The following PACRG variants were observed in gnomAD, a reference collection of about 807,000 sequenced individuals.
The protein encoded by PACRG is parkin coregulated gene protein.
Under a neutral mutation model 29.7 loss-of-function variants are expected in PACRG, and 29 were observed. The observed-to-expected ratio is 0.98, with a 90% confidence interval of 0.73 to 1.33. The LOEUF (loss-of-function observed/expected upper bound fraction) is 1.33. Among genes scored for constraint, PACRG ranks in the 40% most tolerant of loss-of-function variants. The pLI, the probability that PACRG is intolerant of heterozygous loss-of-function variation, is 0.00. For synonymous variants in PACRG, 116 were observed against 118.7 expected, an observed-to-expected ratio of 0.98 and a Z score of 0.15; for missense variants, 279 against 316.2, an observed-to-expected ratio of 0.88 and a Z score of 0.89.
chr6:162,744,057 G>T (rs1780801057), intron 1 of PACRG, among the ~76,000 whole-genome samples: 1 of 151,962 alleles, frequency 6.6e-6, no homozygotes, highest in Non-Finnish European at 1.5e-5. Context: ...TTTTCCTATT[G>T]GTTGGGGCTT....
At chr6:163,222,923 G>A (rs953372763) in intron 4 of PACRG, among the ~76,000 whole-genome samples, 3 of 152,276 alleles carry the variant, frequency 2.0e-5, no homozygotes, top group East Asian at 1.9e-4. Flanking sequence ...TCAGAATGCC[G>A]TAGAGAAAGT....
At chr6:163,101,070 G>A (rs889133587) in intron 4 of PACRG, 123 of 981,550 alleles carry the variant, frequency 1.3e-4, no homozygotes, top group African/African-American at 1.2e-3. Flanking sequence ...ATTTTGAGGC[G>A]GTCATACAAT....
chr6:162,883,509 T>A (rs1183879908), intron 2 of PACRG, among the ~76,000 whole-genome samples: 1 of 152,238 alleles, frequency 6.6e-6, no homozygotes. Context: ...GTGTTCACAA[T>A]GTTAACAAGT....
chr6:163,268,553 C>T (rs1027568050), intron 4 of PACRG, among the ~76,000 whole-genome samples: 2 of 152,056 alleles, frequency 1.3e-5, no homozygotes, highest in African/African-American at 4.8e-5. Context: ...TAGCTTTTTT[C>T]TTTCATAAGA....
intron 2 of PACRG, among the ~76,000 whole-genome samples, chr6:162,877,612 A>G (rs1360018173): frequency 6.6e-6 from 1 of 152,078 alleles, no homozygotes; most frequent in African/African-American, 2.4e-5. Context: ...AAAAAGGAAA[A>G]TATTTTCCAA....
At chr6:163,221,960 T>A (rs1781597598) in intron 4 of PACRG, among the ~76,000 whole-genome samples, 1 of 152,162 alleles carries the variant, frequency 6.6e-6, no homozygotes, top group East Asian at 1.9e-4. Context: ...CTAGAAGGTA[T>A]GAGAATACAG....
intron 2 of PACRG, among the ~76,000 whole-genome samples, chr6:162,956,439 C>T (rs2128137450): frequency 6.6e-6 from 1 of 152,260 alleles, no homozygotes; most frequent in Non-Finnish European, 1.5e-5. Flanking sequence ...TTGGTCAGGT[C>T]AATGTTATGT....
upstream of PACRG, chr6:162,727,906 C>G: frequency 1.7e-6 from 1 of 593,492 alleles, no homozygotes; most frequent in South Asian, 2.0e-5. Flanking sequence ...GCCGCCCTTT[C>G]CGGCTTCAGG....
intron 2 of PACRG, among the ~76,000 whole-genome samples, chr6:162,828,529 A>G (rs1788473652): frequency 6.6e-6 from 1 of 152,202 alleles, no homozygotes; most frequent in Admixed American, 6.5e-5. Context: ...CGAAATTCTC[A>G]GGGCTCATGG....
chr6:163,304,039 G>A (rs1265743830), intron 4 of PACRG, among the ~76,000 whole-genome samples: 384 of 104,560 alleles, frequency 3.7e-3, no homozygotes, highest in African/African-American at 4.8e-3. Context: ...AAAAAAAAAA[G>A]TAAATGGGAT....
At chr6:163,148,109 C>G (rs1335394737) in intron 4 of PACRG, among the ~76,000 whole-genome samples, 1 of 152,172 alleles carries the variant, frequency 6.6e-6, no homozygotes, top group Admixed American at 6.5e-5. Context: ...GAAATTTGCA[C>G]TAAGTCACAG....
intron 2 of PACRG, among the ~76,000 whole-genome samples, chr6:162,922,751 T>G (rs1797157394): frequency 1.3e-5 from 2 of 152,210 alleles, no homozygotes; most frequent in African/African-American, 4.8e-5. Context: ...AGGATTTTAT[T>G]CTTTTTTTAT....
At chr6:162,824,405 G>A (rs1426562405) in intron 2 of PACRG, among the ~76,000 whole-genome samples, 1 of 152,162 alleles carries the variant, frequency 6.6e-6, no homozygotes, top group Non-Finnish European at 1.5e-5. Context: ...CAAAACATAA[G>A]TTGACTATGA....
At chr6:162,925,038 C>G (rs1212084497) in intron 2 of PACRG, among the ~76,000 whole-genome samples, 2 of 152,164 alleles carry the variant, frequency 1.3e-5, no homozygotes, top group African/African-American at 4.8e-5. Flanking sequence ...ATAAACATCT[C>G]TATGCAAATA....
chr6:163,027,539 T>C (rs2128225518), intron 2 of PACRG, among the ~76,000 whole-genome samples: 1 of 152,270 alleles, frequency 6.6e-6, no homozygotes, highest in Non-Finnish European at 1.5e-5. Context: ...ACTTTTAGCC[T>C]CACATGAATA....
At chr6:163,199,601 T>G (rs1308193668) in intron 4 of PACRG, among the ~76,000 whole-genome samples, 3 of 152,212 alleles carry the variant, frequency 2.0e-5, no homozygotes, top group Non-Finnish European at 4.4e-5. Flanking sequence ...GGCCTCACCC[T>G]TAACTGCCAA....
chr6:162,892,676 C>G (rs11966615), intron 2 of PACRG, among the ~76,000 whole-genome samples: 5,879 of 152,230 alleles, frequency 0.039, 382 homozygotes, highest in African/African-American at 0.13. Context: ...CCCCCTGACC[C>G]CCCTACAGTG....
chr6:162,830,499 C>G (rs1788667667), intron 2 of PACRG, among the ~76,000 whole-genome samples: 1 of 152,208 alleles, frequency 6.6e-6, no homozygotes, highest in African/African-American at 2.4e-5. Flanking sequence ...ATCAAACAGC[C>G]ATCCTTGGCA....
At chr6:163,148,783 A>T (rs1777913107) in intron 4 of PACRG, among the ~76,000 whole-genome samples, 1 of 152,036 alleles carries the variant, frequency 6.6e-6, no homozygotes, top group African/African-American at 2.4e-5. Context: ...GCAGCTCCCA[A>T]CACTGGAAAT....
Sources: gnomAD v4.1 joint callset for allele counts (sites outside exome capture counted in the v4.1 genomes callset) on GRCh38, gnomAD v4.1.1 for gene constraint, MANE v1.5 for transcripts, NCBI Gene and HGNC (gene_info 2026-07-23, HGNC 2026-07-21) for gene names.